The following CNTN4 variants were observed in gnomAD, a reference collection of about 807,000 sequenced individuals.
The protein encoded by CNTN4 is contactin-4.
Under a neutral mutation model 122.5 loss-of-function variants are expected in CNTN4, and 77 were observed. The observed-to-expected ratio is 0.63, with a 90% CI of 0.52 to 0.76. The LOEUF is 0.76. Ranked by LOEUF, CNTN4 falls within the 30% of genes least tolerant of loss-of-function variation. The pLI, the probability that CNTN4 is intolerant of heterozygous loss-of-function variation, is 0.00. For missense variants in CNTN4, 1,256 were observed against 1,259.1 expected (o/e 1.00, Z 0.04); for synonymous variants, 512 against 447.0 (o/e 1.15, Z -1.83).
chr3:2,224,473 G>C (rs1025360497), intron 2 of CNTN4, among the ~76,000 whole-genome samples: 5 of 152,194 alleles, frequency 3.3e-5, no homozygotes, highest in African/African-American at 9.6e-5. Flanking sequence ...TTGCACATGA[G>C]TTCCTCCAAA....
chr3:2,666,272 TG>T (rs2084156446), intron 4 of CNTN4, among the ~76,000 whole-genome samples: 1 of 152,312 alleles, frequency 6.6e-6, no homozygotes, highest in South Asian at 2.1e-4. Flanking sequence ...TTCATGTCCT[TG>T]GGGGGTTTAA....
In CNTN4 at chr3:2,990,080, T is replaced by A. The variant is rs182288397; in HGVS notation, c.1486+1608T>A. Among the ~76,000 whole-genome samples, 3 of 152,334 alleles carry A rather than the reference T, an allele frequency of 2.0e-5. No homozygotes were observed. The East Asian group carries it at 5.8e-4, about 29-fold the overall frequency. ...GGGGATAATAGCAGTGCCAGTCTCA[T>A]GGAGTCGCTTTGATAACTGTGAAAA... is the stretch of plus-strand genomic sequence containing the variant. On this transcript the variant is annotated intron_variant, in intron 14 of 24. Transcript: ENST00000418658.
intron 3 of CNTN4, among the ~76,000 whole-genome samples, chr3:2,547,752 A>G (rs1412585348): frequency 1.3e-5 from 2 of 152,156 alleles, no homozygotes; most frequent in Non-Finnish European, 2.9e-5. Context: ...TAGAAGTTTT[A>G]CATCTAGAGA....
rs140763672 is a variant in CNTN4, at chr3:3,025,389, C to A, written c.1487-713C>A. On this transcript the variant is annotated intron_variant, in intron 14 of 24. Transcript: ENST00000418658. ...AATTTGCTAAAATGCCAACTAGTTT[C>A]AAAATGGTTAAAACTGTAAGCTTAA... Among the ~76,000 whole-genome samples, 626 of 152,074 alleles carry A rather than the reference C, an allele frequency of 4.1e-3. 10 individuals are homozygous for A. The highest frequency in any genetic ancestry group is 0.018 in the East Asian group (95 of 5,182).
rs866550466 is a variant in CNTN4, at chr3:3,038,966, G to A, written c.2126G>A (p.Gly709Asp). ...PEVTPANVSG[G>D]GGSKSELVIT... ...GTCACACCAGCGAATGTCAGTGGTG[G>A]CGGAGGCAGCAAATCTGAACTGGTT... Residue 709 changes from glycine (G) to aspartate (D), a missense_variant, in exon 19 of 25, where the codon GGC becomes GAC. Coordinates refer to ENST00000418658, the MANE Select transcript of CNTN4 (RefSeq NM_175607.3). 6.2e-7 allele frequency: 1 copy of A among 1,614,030 alleles called. No homozygotes were observed. Among genetic ancestry groups the A allele is most frequent in the African/African-American group, 1.3e-5 (1 of 74,912 alleles).
chr3:2,119,272 C>T (rs537492232), intron 2 of CNTN4, among the ~76,000 whole-genome samples: 4 of 152,300 alleles, frequency 2.6e-5, no homozygotes, highest in Admixed American at 6.5e-5. Flanking sequence ...TAAGCCAATT[C>T]CTTGGTGTGT....
At chr3:2,893,722 C>G (rs1251695623) in intron 10 of CNTN4, among the ~76,000 whole-genome samples, 1 of 152,162 alleles carries the variant, frequency 6.6e-6, no homozygotes, top group Non-Finnish European at 1.5e-5. Flanking sequence ...TCATCTCACT[C>G]TATAGTCCCA....
chr3:2,657,090 T>G (rs2083623936), intron 4 of CNTN4, among the ~76,000 whole-genome samples: 1 of 152,192 alleles, frequency 6.6e-6, no homozygotes, highest in Non-Finnish European at 1.5e-5. Flanking sequence ...CTTGGAAAAC[T>G]GTTAAAAACT....
intron 13 of CNTN4, among the ~76,000 whole-genome samples, chr3:2,969,590 A>G (rs1692692651): frequency 6.6e-6 from 1 of 152,124 alleles, no homozygotes; most frequent in African/African-American, 2.4e-5. Flanking sequence ...TAGATGTCCA[A>G]TCCACAGGAA....
At chr3:2,792,220 A>G (rs115021024) in intron 6 of CNTN4, among the ~76,000 whole-genome samples, 224 of 152,274 alleles carry the variant, frequency 1.5e-3, no homozygotes, top group African/African-American at 5.1e-3. Context: ...ATATTTTTAC[A>G]TGATCCCTAT....
At chr3:2,479,031 C>G (rs189756952) in intron 3 of CNTN4, among the ~76,000 whole-genome samples, 1 of 152,166 alleles carries the variant, frequency 6.6e-6, no homozygotes, top group Admixed American at 6.5e-5. Flanking sequence ...CTTATTTAAG[C>G]TTTTTCCTTT....
At chr3:2,948,975 C>G (rs904976823) in intron 13 of CNTN4, among the ~76,000 whole-genome samples, 2 of 152,024 alleles carry the variant, frequency 1.3e-5, no homozygotes, top group Non-Finnish European at 2.9e-5. Context: ...ACTTCCCATT[C>G]ACTTCAAATA....
intron 2 of CNTN4, among the ~76,000 whole-genome samples, chr3:2,105,784 C>T (rs565772967): frequency 2.6e-5 from 4 of 152,208 alleles, no homozygotes; most frequent in East Asian, 1.9e-4. Flanking sequence ...TCCCAACAGT[C>T]GCCCAGAATC....
chr3:3,055,970 C>A, intron 24 of CNTN4, 150 bp from the exon 25 acceptor site: 1 of 621,054 alleles, frequency 1.6e-6, no homozygotes, highest in Non-Finnish European at 2.9e-6. Flanking sequence ...GCTTGGTAGT[C>A]ATAGAACTGA....
intron 7 of CNTN4, among the ~76,000 whole-genome samples, chr3:2,838,380 A>G (rs1277178380): frequency 6.6e-6 from 1 of 152,082 alleles, no homozygotes; most frequent in Non-Finnish European, 1.5e-5. Context: ...TCTTCTGGTC[A>G]CCCTTTCACA....
chr3:2,925,984 T>C (rs2094469876), intron 13 of CNTN4, among the ~76,000 whole-genome samples: 1 of 152,216 alleles, frequency 6.6e-6, no homozygotes, highest in Admixed American at 6.5e-5. Context: ...AAGCACTCCG[T>C]GCAGAGATAG....
intron 3 of CNTN4, among the ~76,000 whole-genome samples, chr3:2,487,568 T>C (rs1341646502): frequency 4.6e-5 from 7 of 152,238 alleles, no homozygotes; most frequent in Non-Finnish European, 1.0e-4. Flanking sequence ...CATTTCCAAA[T>C]ACTCTTTAGC....
In CNTN4 at chr3:2,803,437, GA is replaced by G. The variant is rs2092393395; in HGVS notation, c.359-16045del. On this transcript the variant is annotated intron_variant, in intron 6 of 24. Coordinates refer to ENST00000418658, the MANE Select transcript of CNTN4 (RefSeq NM_175607.3). ...CAGGCTGTAGACCAAAGAAACTCTT[GA>G]AAATATGTGTAAGACACAGGCTTTT... 3.3e-5 allele frequency among the ~76,000 whole-genome samples: 5 copies of G among 152,178 alleles called. No homozygotes were observed. The South Asian group carries it at 1.0e-3, about 32-fold the overall frequency.
At chr3:2,245,677 T>C (rs4627744) in intron 2 of CNTN4, among the ~76,000 whole-genome samples, 5 of 152,022 alleles carry the variant, frequency 3.3e-5, no homozygotes, top group Non-Finnish European at 7.4e-5. Flanking sequence ...TAATAAAAAT[T>C]GGTGTACGTA....
Sources: gnomAD v4.1 joint callset for allele counts (sites outside exome capture counted in the v4.1 genomes callset) on GRCh38, gnomAD v4.1.1 for gene constraint, MANE v1.5 for transcripts, NCBI Gene and HGNC (gene_info 2026-07-23, HGNC 2026-07-21) for gene names.